Variants in CCSER1 observed in about 807,000 individuals in gnomAD.
CCSER1 encodes coiled-coil serine rich protein 1, also known as serine-rich coiled-coil domain-containing protein 1.
In CCSER1, 41 loss-of-function variants were observed where a neutral mutation model predicts 82.0. That is an observed-to-expected ratio of 0.50 (90% CI 0.39 to 0.65). CCSER1 has a LOEUF of 0.65. Among genes scored for constraint, CCSER1 ranks in the 30% least tolerant of loss-of-function variants. The pLI is 0.00. For missense variants in CCSER1, 1,119 were observed against 1,064.2 expected (o/e 1.05, Z -0.72); for synonymous variants, 414 against 383.9 (o/e 1.08, Z -0.92).
In CCSER1 at chr4:90,309,453, C is replaced by T. The variant is rs542877113; in HGVS notation, c.1169C>T (p.Ser390Phe). 4.3e-6 allele frequency: 7 copies of T among 1,613,692 alleles called. No homozygotes were observed. The highest frequency in any genetic ancestry group is 1.3e-5 in the African/African-American group (1 of 74,908). Residue 390 changes from serine (S) to phenylalanine (F), a missense_variant, in exon 2 of 11, where the codon TCC becomes TTC. Ser to Phe is a radical substitution (Grantham distance 155, BLOSUM62 -2). Transcript: ENST00000509176. The stretch of plus-strand genomic sequence containing the variant: ...GGTGAAACAATGCTGGGGACAAACT[C>T]CCCAAGGAAACTTGGATTTTATGAG... ...QNGETMLGTN[S>F]PRKLGFYEQH...
At position 90,660,686 on chromosome 4, in the gene CCSER1, G is replaced by A. The variant is rs1488020720; in HGVS notation, c.1932+32454G>A. 5.3e-5 allele frequency among the ~76,000 whole-genome samples: 8 copies of A among 152,114 alleles called. No homozygotes were observed. In the East Asian group the frequency reaches 1.5e-3, roughly 29 times the overall value. ...TTTATGATAAGAAAAATTATTGTTTGTTATTGCTAACCTTTTTCTAAAATA... is the reference window on the plus strand; with the variant it reads ...TTTATGATAAGAAAAATTATTGTTTATTATTGCTAACCTTTTTCTAAAATA... On this transcript the variant is annotated intron_variant, in intron 6 of 10. Transcript: ENST00000509176.
chr4:91,243,175 G>T (rs1272425511), intron 10 of CCSER1, among the ~76,000 whole-genome samples: 1 of 152,114 alleles, frequency 6.6e-6, no homozygotes, highest in East Asian at 1.9e-4. Context: ...AAGCCAAGCT[G>T]GGCTTAGCCA....
At chr4:91,382,325 C>G (rs1351190870) in intron 10 of CCSER1, among the ~76,000 whole-genome samples, 1 of 152,196 alleles carries the variant, frequency 6.6e-6, no homozygotes, top group Non-Finnish European at 1.5e-5. Flanking sequence ...CAGAGGCAGG[C>G]AGGCCTCCTT....
At chr4:90,522,774 A>G (rs1174464597) in intron 5 of CCSER1, among the ~76,000 whole-genome samples, 1 of 152,178 alleles carries the variant, frequency 6.6e-6, no homozygotes, top group Non-Finnish European at 1.5e-5. Context: ...ATTTCTGTTT[A>G]TAAATATTCC....
chr4:90,913,068 G>A (rs1726681173), intron 8 of CCSER1, among the ~76,000 whole-genome samples: 1 of 152,138 alleles, frequency 6.6e-6, no homozygotes, highest in South Asian at 2.1e-4. Flanking sequence ...CACTCTGCAG[G>A]ATATTATCCA....
intron 10 of CCSER1, among the ~76,000 whole-genome samples, chr4:91,302,892 T>C (rs1228659165): frequency 2.0e-5 from 3 of 151,980 alleles, no homozygotes; most frequent in African/African-American, 2.4e-5. Context: ...TCTGAAATTA[T>C]GTTATTAAAT....
intron 7 of CCSER1, among the ~76,000 whole-genome samples, chr4:90,730,435 T>A (rs1302987238): frequency 1.3e-5 from 2 of 152,208 alleles, no homozygotes; most frequent in Non-Finnish European, 2.9e-5. Flanking sequence ...GATTTGTTGA[T>A]GAATCAATTT....
chr4:90,775,771 A>C (rs1000883524), intron 7 of CCSER1, among the ~76,000 whole-genome samples: 1 of 152,164 alleles, frequency 6.6e-6, no homozygotes. Context: ...GTGGAGTAAG[A>C]GATTGGATAT....
At chr4:91,122,461 T>C (rs1031583433) in intron 10 of CCSER1, among the ~76,000 whole-genome samples, 14 of 151,838 alleles carry the variant, frequency 9.2e-5, no homozygotes, top group South Asian at 2.1e-4. Flanking sequence ...CTCAGTAATA[T>C]ACAACCTGAA....
rs1251512626 is a variant in CCSER1, at chr4:91,192,839, T to A, written c.2217+106845T>A. Among the ~76,000 whole-genome samples the A allele has an allele frequency of 2.0e-5, 3 of 152,188 alleles. No individual in the cohort carries two copies. In the East Asian group the frequency reaches 5.8e-4, roughly 29 times the overall value. On this transcript the variant is annotated intron_variant, in intron 10 of 10. Transcript: ENST00000509176. ...AATTTTTGTAATGTCTACAATAGAC[T>A]CAGTGTCTCTGCTATATTGGTAAAA...
At chr4:91,281,254 A>G (rs1043411219) in intron 10 of CCSER1, among the ~76,000 whole-genome samples, 6 of 151,770 alleles carry the variant, frequency 4.0e-5, no homozygotes, top group African/African-American at 1.5e-4. Context: ...TTCTTATGGG[A>G]TCTATTCAAA....
At chr4:91,177,739 G>A (rs554675315) in intron 10 of CCSER1, among the ~76,000 whole-genome samples, 5 of 151,902 alleles carry the variant, frequency 3.3e-5, no homozygotes, top group South Asian at 2.1e-4. Context: ...GCAGTCTGTC[G>A]ATTTTGTTGA....
At chr4:91,571,730 T>C (rs1313147954) in intron 10 of CCSER1, among the ~76,000 whole-genome samples, 1 of 152,056 alleles carries the variant, frequency 6.6e-6, no homozygotes, top group Admixed American at 6.6e-5. Flanking sequence ...ACAGCTAAGC[T>C]ATATCAGGGG....
Position 90,957,525 on chromosome 4 carries a change from A to ATATATATTATATAATAATATTT in CCSER1, c.2172+34083_2172+34084insATTATATAATAATATTTTATAT, listed in dbSNP as rs1561417775. ...ATATTATATAATATAACATAATATC[A>ATATATATTATATAATAATATTT]TATATTATATATATTATATAATTAT... On this transcript the variant is annotated intron_variant, in intron 9 of 10. Coordinates refer to ENST00000509176, the MANE Select transcript of CCSER1 (RefSeq NM_001145065.2). Among the ~76,000 whole-genome samples the ATATATATTATATAATAATATTT allele has an allele frequency of 4.8e-5, 6 of 124,390 alleles. No homozygotes were observed. The East Asian group carries it at 1.1e-3, about 23-fold the overall frequency. The allele number at this position is 124,390 out of a possible 152,430, so 81.6% of individuals were successfully genotyped here.
chr4:90,422,551 C>T (rs1319215633), intron 4 of CCSER1, among the ~76,000 whole-genome samples: 1 of 152,050 alleles, frequency 6.6e-6, no homozygotes, highest in African/African-American at 2.4e-5. Context: ...GTCATGATTG[C>T]ACCACTGCAC....
At chr4:91,080,875 T>G (rs1477539773) in intron 9 of CCSER1, among the ~76,000 whole-genome samples, 1 of 150,874 alleles carries the variant, frequency 6.6e-6, no homozygotes, top group East Asian at 2.0e-4. Flanking sequence ...AGGAAGAAGT[T>G]GAATCCCAAT....
chr4:91,431,044 G>T (rs532175101), intron 10 of CCSER1, among the ~76,000 whole-genome samples: 1 of 152,168 alleles, frequency 6.6e-6, no homozygotes, highest in East Asian at 1.9e-4. Context: ...AGACCATCCT[G>T]GCTAACACGG....
At chr4:90,285,718 A>G (rs1004348449) in intron 1 of CCSER1, among the ~76,000 whole-genome samples, 1 of 151,960 alleles carries the variant, frequency 6.6e-6, no homozygotes, top group Admixed American at 6.6e-5. Flanking sequence ...TGTCTTTTCT[A>G]TATTATAGAG....
intron 4 of CCSER1, among the ~76,000 whole-genome samples, chr4:90,422,940 T>C (rs1390159312): frequency 1.3e-5 from 2 of 152,170 alleles, no homozygotes; most frequent in Non-Finnish European, 2.9e-5. Context: ...CAGCTTATCG[T>C]TGTAAATTCT....
Sources: gnomAD v4.1 joint callset for allele counts (sites outside exome capture counted in the v4.1 genomes callset) on GRCh38, gnomAD v4.1.1 for gene constraint, MANE v1.5 for transcripts, NCBI Gene and HGNC (gene_info 2026-07-23, HGNC 2026-07-21) for gene names.